Variants in IQGAP2 observed in about 807,000 individuals in gnomAD.
The protein encoded by IQGAP2 is IQ motif containing GTPase activating protein 2, also known as ras GTPase-activating-like protein IQGAP2.
A neutral mutation model predicts 201.3 loss-of-function variants in IQGAP2; 173 were observed. That is an observed-to-expected ratio of 0.86 (90% CI 0.76 to 0.98). The LOEUF is 0.98. Ranked by LOEUF, IQGAP2 falls within the 50% of genes least tolerant of loss-of-function variation. The pLI, the probability that IQGAP2 is intolerant of heterozygous loss-of-function variation, is 0.00. For missense variants in IQGAP2, 1,687 were observed against 1,864.8 expected (o/e 0.90, Z 1.76); for synonymous variants, 675 against 673.9 (o/e 1.00, Z -0.03).
intron 2 of IQGAP2, among the ~76,000 whole-genome samples, chr5:76,513,135 C>G (rs115698449): frequency 0.01 from 1,538 of 151,916 alleles, 15 homozygotes; most frequent in Non-Finnish European, 0.016. Flanking sequence ...AATGCTTTTT[C>G]ATTGGTAGAA....
chr5:76,608,024 CAG>C (rs967898054), intron 12 of IQGAP2: 16 of 152,330 alleles, frequency 1.1e-4, no homozygotes, highest in African/African-American at 3.8e-4. Flanking sequence ...CATTGATTAA[CAG>C]GGGGAAAATG....
intron 1 of IQGAP2, among the ~76,000 whole-genome samples, chr5:76,411,961 C>T (rs900532805): frequency 6.6e-5 from 10 of 152,062 alleles, no homozygotes; most frequent in Non-Finnish European, 1.0e-4. Flanking sequence ...GCTTCTAATC[C>T]CTGGGGGTGG....
rs1028587803 is a variant in IQGAP2, at chr5:76,431,771, C to T, written c.46+28180C>T. On this transcript the variant is annotated intron_variant, in intron 1 of 35. Coordinates refer to ENST00000274364, the MANE Select transcript of IQGAP2 (RefSeq NM_006633.5). ...CTGGGAGGCGGAGATTGCAGTGAGC[C>T]GAGATCGCACCACTGCACTCCAGCC... 8.0e-5 allele frequency among the ~76,000 whole-genome samples: 12 copies of T among 149,842 alleles called. No homozygotes were observed. The South Asian group carries it at 1.3e-3, about 16-fold the overall frequency.
intron 1 of IQGAP2, among the ~76,000 whole-genome samples, chr5:76,442,920 G>A (rs1753131720): frequency 6.6e-6 from 1 of 152,238 alleles, no homozygotes. Context: ...CTGGGAGGCA[G>A]AGGTTGCAAT....
chr5:76,622,070 A>ATT (rs1256917830), intron 13 of IQGAP2, among the ~76,000 whole-genome samples: 1 of 152,168 alleles, frequency 6.6e-6, no homozygotes, highest in African/African-American at 2.4e-5. Flanking sequence ...ACCACAACGA[A>ATT]ATAAGGCAGG....
rs367783289 is a variant in IQGAP2, at chr5:76,594,835, G to A, written c.907+1910G>A. Among the ~76,000 whole-genome samples, 19 of 151,982 alleles carry A rather than the reference G, an allele frequency of 1.3e-4. 1 individual carries two copies. Among genetic ancestry groups the A allele is most frequent in the Admixed American group, 6.6e-4 (10 of 15,258 alleles). On this transcript the variant is annotated intron_variant, in intron 9 of 35. Transcript: ENST00000274364. Reference sequence around the variant, plus strand: ...CAAAAAGTCAGCCAGGCGTGGTGGCGGGCATCTGTAATCCCAGCTACTTGG... The same window carrying A: ...CAAAAAGTCAGCCAGGCGTGGTGGCAGGCATCTGTAATCCCAGCTACTTGG...
chr5:76,585,061 A>C (rs958293030), intron 5 of IQGAP2, among the ~76,000 whole-genome samples: 2 of 152,248 alleles, frequency 1.3e-5, no homozygotes, highest in Admixed American at 1.3e-4. Context: ...TAAAATTTGT[A>C]GATATCTAAA....
intron 2 of IQGAP2, among the ~76,000 whole-genome samples, chr5:76,496,808 T>C (rs1757016258): frequency 6.8e-6 from 1 of 146,930 alleles, no homozygotes; most frequent in Admixed American, 6.9e-5. Context: ...TCTTTCTTTC[T>C]CTTTCTTTCT....
intron 2 of IQGAP2, among the ~76,000 whole-genome samples, chr5:76,511,686 G>GT (rs70982618): frequency 0.29 from 41,002 of 141,164 alleles, 6,318 homozygotes; most frequent in Middle Eastern, 0.47. Context: ...GTTTTGTTTT[G>GT]TTTTTTTTTT....
chr5:76,652,095 A>T (rs1273675838), intron 17 of IQGAP2, among the ~76,000 whole-genome samples: 1 of 152,228 alleles, frequency 6.6e-6, no homozygotes, highest in Non-Finnish European at 1.5e-5. Context: ...ACAGTTATGA[A>T]TTTACTTCTT....
chr5:76,435,478 T>G (rs1752602950), intron 1 of IQGAP2, among the ~76,000 whole-genome samples: 1 of 152,160 alleles, frequency 6.6e-6, no homozygotes, highest in Non-Finnish European at 1.5e-5. Flanking sequence ...TGTTTTTGTA[T>G]GTTTTGTCAA....
chr5:76,540,442 T>C (rs1742685777), intron 2 of IQGAP2, among the ~76,000 whole-genome samples: 1 of 152,080 alleles, frequency 6.6e-6, no homozygotes, highest in Non-Finnish European at 1.5e-5. Context: ...AGGTCAGTGT[T>C]CAGACCAGAG....
intron 1 of IQGAP2, among the ~76,000 whole-genome samples, chr5:76,404,817 C>G (rs188243069): frequency 2.3e-3 from 345 of 151,190 alleles, no homozygotes; most frequent in African/African-American, 7.4e-3. Flanking sequence ...GTAAACCACA[C>G]AGACAGCAGA....
chr5:76,633,155 C>A (rs1200370997), intron 15 of IQGAP2, among the ~76,000 whole-genome samples: 1 of 152,192 alleles, frequency 6.6e-6, no homozygotes, highest in South Asian at 2.1e-4. Context: ...TCGTTTCCCA[C>A]ATGTCATATT....
intron 2 of IQGAP2, among the ~76,000 whole-genome samples, chr5:76,503,347 A>G (rs1362518218): frequency 1.3e-5 from 2 of 150,090 alleles, no homozygotes; most frequent in Non-Finnish European, 3.0e-5. Flanking sequence ...CTAATTTTTC[A>G]TATTTTTAGT....
At chr5:76,652,708 A>G in intron 17 of IQGAP2, 42 bp from the exon 18 acceptor site, 2 of 1,392,408 alleles carry the variant, frequency 1.4e-6, no homozygotes, top group South Asian at 1.2e-5. Flanking sequence ...TAAATTGGGA[A>G]ACTTGCTGGT....
chr5:76,479,088 G>A (rs982394580), intron 2 of IQGAP2, among the ~76,000 whole-genome samples: 2 of 151,892 alleles, frequency 1.3e-5, no homozygotes, highest in African/African-American at 4.8e-5. Flanking sequence ...CACCGCCTCC[G>A]CCTTCCCGCC....
chr5:76,488,799 T>C (rs1449599945), intron 2 of IQGAP2, among the ~76,000 whole-genome samples: 1 of 152,182 alleles, frequency 6.6e-6, no homozygotes, highest in African/African-American at 2.4e-5. Flanking sequence ...TGTTAGCTTC[T>C]AAAACAGAGG....
chr5:76,617,411 GAGACTC>G, intron 13 of IQGAP2: 1 of 593,868 alleles, frequency 1.7e-6, no homozygotes. Context: ...GTGATAAAGT[GAGACTC>G]AGTCTCAAAA....
Sources: gnomAD v4.1 joint callset for allele counts (sites outside exome capture counted in the v4.1 genomes callset) on GRCh38, gnomAD v4.1.1 for gene constraint, MANE v1.5 for transcripts, NCBI Gene and HGNC (gene_info 2026-07-23, HGNC 2026-07-21) for gene names.